Variants in AKT3 observed in about 807,000 individuals in gnomAD.
The protein encoded by AKT3 is RAC-gamma serine/threonine-protein kinase.
AKT3 carries 15 observed loss-of-function variants against 65.3 expected under a neutral mutation model. The observed-to-expected ratio is 0.23, with a 90% CI of 0.15 to 0.35. AKT3 has a LOEUF of 0.35. Ranked by LOEUF, AKT3 falls within the 10% of genes least tolerant of loss-of-function variation. The probability of loss-of-function intolerance (pLI) is 1.00; values close to 1 mark genes in which losing one functional copy is unlikely to be tolerated. For synonymous variants in AKT3, 206 were observed against 183.8 expected (o/e 1.12, Z -0.98); for missense variants, 243 against 576.5 (o/e 0.42, Z 5.92).
intron 2 of AKT3, chr1:243,734,833 C>G (rs1322492905): frequency 6.6e-6 from 1 of 152,204 alleles, no homozygotes; most frequent in Non-Finnish European, 1.5e-5. Flanking sequence ...AGCACAAATA[C>G]ACTGTACAGC....
At chr1:243,740,093 G>T (rs1322905411) in intron 2 of AKT3, among the ~76,000 whole-genome samples, 1 of 152,172 alleles carries the variant, frequency 6.6e-6, no homozygotes, top group Non-Finnish European at 1.5e-5. Flanking sequence ...CATGTGGCCG[G>T]AAGAGAAGGG....
At chr1:243,514,694 C>T (rs1325143217) in intron 12 of AKT3, among the ~76,000 whole-genome samples, 4 of 152,092 alleles carry the variant, frequency 2.6e-5, no homozygotes, top group African/African-American at 9.7e-5. Flanking sequence ...GGTGTGGCAG[C>T]GGGCGCCTGT....
chr1:243,537,456 A>C (rs1672011089), intron 12 of AKT3, among the ~76,000 whole-genome samples: 1 of 152,170 alleles, frequency 6.6e-6, no homozygotes, highest in Non-Finnish European at 1.5e-5. Context: ...TATTTTCCCC[A>C]GTATTATCAG....
intron 2 of AKT3, among the ~76,000 whole-genome samples, chr1:243,716,527 C>G (rs1686523881): frequency 6.6e-6 from 1 of 152,148 alleles, no homozygotes; most frequent in African/African-American, 2.4e-5. Flanking sequence ...AAAACCTAAT[C>G]CAAGACTTTG....
intron 3 of AKT3, among the ~76,000 whole-genome samples, chr1:243,667,983 C>T (rs1391518059): frequency 6.6e-6 from 1 of 152,198 alleles, no homozygotes; most frequent in African/African-American, 2.4e-5. Context: ...CTGCAATCTG[C>T]ACCCCTTACC....
downstream of AKT3, among the ~76,000 whole-genome samples, chr1:243,497,073 G>A (rs1008025014): frequency 2.0e-5 from 3 of 152,172 alleles, no homozygotes; most frequent in South Asian, 6.2e-4. Flanking sequence ...ACTGGCATAC[G>A]CACGCTCTAC....
At chr1:243,827,240 TAAA>T (rs1430835569) in intron 2 of AKT3, among the ~76,000 whole-genome samples, 4 of 152,090 alleles carry the variant, frequency 2.6e-5, no homozygotes, top group African/African-American at 9.7e-5. Flanking sequence ...GACTCAAAAA[TAAA>T]AGTATCTCTT....
At chr1:243,508,846 T>A (rs1424076641) in intron 13 of AKT3, among the ~76,000 whole-genome samples, 2 of 151,868 alleles carry the variant, frequency 1.3e-5, no homozygotes, top group African/African-American at 2.4e-5. Context: ...TTGTATTTTT[T>A]TTTGTAGAGA....
chr1:243,734,024 GC>G (rs1220744448), intron 2 of AKT3, among the ~76,000 whole-genome samples: 1 of 152,076 alleles, frequency 6.6e-6, no homozygotes, highest in East Asian at 1.9e-4. Flanking sequence ...GTCAAATATG[GC>G]ATGAACTCTC....
At chr1:243,719,826 T>C (rs1441138513) in intron 2 of AKT3, among the ~76,000 whole-genome samples, 1 of 152,114 alleles carries the variant, frequency 6.6e-6, no homozygotes, top group Non-Finnish European at 1.5e-5. Context: ...CAGAACTCAG[T>C]CGTATGGCCA....
At chr1:243,603,741 T>C (rs1343447895) in intron 8 of AKT3, among the ~76,000 whole-genome samples, 1 of 152,158 alleles carries the variant, frequency 6.6e-6, no homozygotes, top group East Asian at 1.9e-4. Flanking sequence ...GTGTTTTCTA[T>C]TTTTATAAAT....
At chr1:243,572,212 C>T (rs1674613315) in intron 9 of AKT3, among the ~76,000 whole-genome samples, 1 of 152,270 alleles carries the variant, frequency 6.6e-6, no homozygotes, top group East Asian at 1.9e-4. Flanking sequence ...AACCTGTGGA[C>T]TAAATTGAGC....
chr1:243,665,322 C>T (rs1682689831), intron 3 of AKT3, among the ~76,000 whole-genome samples: 1 of 150,732 alleles, frequency 6.6e-6, no homozygotes, highest in Admixed American at 6.6e-5. Flanking sequence ...TCTCTATTCT[C>T]TTTACTTATT....
intron 8 of AKT3, among the ~76,000 whole-genome samples, chr1:243,592,759 G>A (rs566024492): frequency 1.4e-4 from 21 of 152,148 alleles, no homozygotes; most frequent in African/African-American, 5.1e-4. Flanking sequence ...TCTACCCACA[G>A]GACAGAAAAT....
chr1:243,778,373 G>A (rs1326483645), intron 2 of AKT3, among the ~76,000 whole-genome samples: 2 of 152,152 alleles, frequency 1.3e-5, no homozygotes, highest in Non-Finnish European at 2.9e-5. Context: ...CAAAGGTTGA[G>A]GCCAGCTTCC....
chr1:243,580,934 C>T (rs1021621013), intron 8 of AKT3, among the ~76,000 whole-genome samples: 1 of 152,196 alleles, frequency 6.6e-6, no homozygotes, highest in Non-Finnish European at 1.5e-5. Context: ...GCATTCAGAG[C>T]ACCTCCTTGC....
downstream of AKT3, among the ~76,000 whole-genome samples, chr1:243,497,656 T>C (rs1558559389): frequency 6.6e-6 from 1 of 152,138 alleles, no homozygotes; most frequent in African/African-American, 2.4e-5. Context: ...TCCTGGAGCT[T>C]ATCAAAAAAT....
chr1:243,816,248 T>C (rs1693513374), intron 2 of AKT3, among the ~76,000 whole-genome samples: 1 of 152,232 alleles, frequency 6.6e-6, no homozygotes, highest in African/African-American at 2.4e-5. Flanking sequence ...GCAGTTTGAA[T>C]TGCTTTTTGA....
chr1:243,815,310 A>G (rs1044506729), intron 2 of AKT3, among the ~76,000 whole-genome samples: 1 of 152,114 alleles, frequency 6.6e-6, no homozygotes, highest in Non-Finnish European at 1.5e-5. Flanking sequence ...CATAGGTTAC[A>G]TTTTTCTATT....
Sources: allele counts gnomAD v4.1 joint callset (sites outside exome capture counted in the v4.1 genomes callset), GRCh38; gene constraint gnomAD v4.1.1; transcripts MANE v1.5; gene names NCBI Gene and HGNC (gene_info 2026-07-23, HGNC 2026-07-21).